The following MCM9 variants were observed in gnomAD, a reference collection of about 807,000 sequenced individuals.
MCM9 encodes the protein minichromosome maintenance 9 homologous recombination repair factor.
In MCM9, 55 loss-of-function variants were observed where a neutral mutation model predicts 72.8. The ratio of observed to expected loss-of-function variants is 0.76; its 90% CI spans 0.61 to 0.95. The LOEUF (loss-of-function observed/expected upper bound fraction) is 0.95. Ranked by LOEUF, MCM9 falls within the 40% of genes least tolerant of loss-of-function variation. The pLI is 0.00. For synonymous variants in MCM9, 480 were observed against 503.4 expected, an observed-to-expected ratio of 0.95 and a Z score of 0.62; for missense variants, 1,279 against 1,377.0, an observed-to-expected ratio of 0.93 and a Z score of 1.13.
At chr6:118,879,188 C>T (rs1778127681) in intron 8 of MCM9, among the ~76,000 whole-genome samples, 1 of 149,094 alleles carries the variant, frequency 6.7e-6, no homozygotes, top group Non-Finnish European at 1.5e-5. Flanking sequence ...TGAGTAATTA[C>T]ATTAAATGGA....
At chr6:118,883,705 A>G (rs961322734) in intron 8 of MCM9, among the ~76,000 whole-genome samples, 2 of 152,112 alleles carry the variant, frequency 1.3e-5, no homozygotes, top group African/African-American at 4.8e-5. Flanking sequence ...AAGAAAAAAA[A>G]AAATCGAACC....
intron 11 of MCM9, 44 bp downstream of exon 11, chr6:118,827,883 C>T (rs1583348216): frequency 6.5e-7 from 1 of 1,529,738 alleles, no homozygotes; most frequent in African/African-American, 1.4e-5. Flanking sequence ...GCCTTGCACA[C>T]ACGCAGCATT....
intron 8 of MCM9, among the ~76,000 whole-genome samples, chr6:118,881,093 T>C (rs1778258923): frequency 6.6e-6 from 1 of 152,208 alleles, no homozygotes; most frequent in African/African-American, 2.4e-5. Flanking sequence ...CTTACTGTAA[T>C]GAACTCATCT....
At position 118,814,961 on chromosome 6, in the gene MCM9, T is replaced by C; in HGVS notation, c.3295A>G (p.Ser1099Gly). 3 of 1,550,556 alleles carry C rather than the reference T, an allele frequency of 1.9e-6. No homozygotes were observed. The highest frequency in any genetic ancestry group is 2.6e-6 in the Non-Finnish European group (3 of 1,146,972). Reference protein sequence around the residue: ...PPTTTAPMRVSKRKSFQLRGS... With the variant: ...PPTTTAPMRVGKRKSFQLRGS... ...CGGAGCTGAAAAGATTTCCTTTTACTGACACGCATTGGAGCTGTGGTTGTA... is the reference window on the plus strand; with the variant it reads ...CGGAGCTGAAAAGATTTCCTTTTACCGACACGCATTGGAGCTGTGGTTGTA... Residue 1099 changes from serine to glycine, a missense_variant, in exon 14 of 14, where the codon AGT becomes GGT. Ser to Gly is a moderately conservative substitution (Grantham distance 56). Transcript: ENST00000619706.
At chr6:118,818,291 G>A (rs71338873) in intron 13 of MCM9, among the ~76,000 whole-genome samples, 1 of 152,176 alleles carries the variant, frequency 6.6e-6, no homozygotes, top group Non-Finnish European at 1.5e-5. Context: ...AATCCAACTT[G>A]AGTTAATTTT....
intron 8 of MCM9, among the ~76,000 whole-genome samples, chr6:118,874,911 C>T (rs1302322941): frequency 2.0e-5 from 3 of 152,096 alleles, no homozygotes; most frequent in Non-Finnish European, 2.9e-5. Flanking sequence ...GTCAGGAGTT[C>T]GAGACCAGCC....
chr6:118,893,937 G>A (rs372743698), intron 8 of MCM9: 1 of 864,724 alleles, frequency 1.2e-6, no homozygotes, highest in South Asian at 5.1e-5. Flanking sequence ...CCGCAGCCAC[G>A]CCTCCCCGCC....
rs925474916 is a variant in MCM9 at position 118,815,429 on chromosome 6, G to A, written c.2827C>T (p.Pro943Ser). The change falls in exon 14 of 14, where the codon CCT becomes TCT. Residue 943 changes from proline (P) to serine (S), a missense_variant. Pro to Ser is a moderately conservative substitution (Grantham distance 74). Transcript: ENST00000619706. ...TGAACTGCTATTTTAGTTGCACCAGGTGACACATGGCTGTGATCTTCAAAG... is the reference window on the plus strand; with the variant it reads ...TGAACTGCTATTTTAGTTGCACCAGATGACACATGGCTGTGATCTTCAAAG... ...HSFEDHSHVSPGATKIAVHSP... is the reference protein window; with the variant it reads ...HSFEDHSHVSSGATKIAVHSP... 8 of 1,550,504 alleles carry A rather than the reference G, an allele frequency of 5.2e-6. No homozygotes were observed. The highest frequency in any genetic ancestry group is 7.0e-6 in the Non-Finnish European group (8 of 1,146,944).
At chr6:118,818,073 T>C (rs750019069) in intron 13 of MCM9, among the ~76,000 whole-genome samples, 2 of 152,250 alleles carry the variant, frequency 1.3e-5, no homozygotes, top group Admixed American at 6.5e-5. Flanking sequence ...TCACATTCTA[T>C]AAGTTGCCTG....
intron 8 of MCM9, among the ~76,000 whole-genome samples, chr6:118,868,870 G>A (rs778150947): frequency 4.6e-5 from 7 of 152,152 alleles, no homozygotes; most frequent in Non-Finnish European, 1.0e-4. Context: ...ATTCCTCAAG[G>A]ATCTAGAACT....
intron 8 of MCM9, among the ~76,000 whole-genome samples, chr6:118,892,267 T>C (rs1213599433): frequency 2.0e-5 from 3 of 152,232 alleles, no homozygotes; most frequent in Non-Finnish European, 4.4e-5. Flanking sequence ...TGGGGAGTTT[T>C]TTCTTCTTAA....
intron 9 of MCM9, among the ~76,000 whole-genome samples, chr6:118,835,477 C>A (rs1301430341): frequency 6.6e-6 from 1 of 152,126 alleles, no homozygotes; most frequent in East Asian, 1.9e-4. Context: ...TCTTCCTATC[C>A]ATGAACATGG....
chr6:118,867,021 T>C (rs1453382208), intron 8 of MCM9, among the ~76,000 whole-genome samples: 1 of 151,394 alleles, frequency 6.6e-6, no homozygotes, highest in Non-Finnish European at 1.5e-5. Context: ...AGTGAGATGA[T>C]ACATTCAACA....
At chr6:118,905,671 G>C in intron 8 of MCM9, 1 of 1,612,102 alleles carries the variant, frequency 6.2e-7, no homozygotes, top group Non-Finnish European at 8.5e-7. Flanking sequence ...CCTAATCCAG[G>C]ACTCATTCCA....
intron 8 of MCM9, among the ~76,000 whole-genome samples, chr6:118,905,413 C>T (rs1180729880): frequency 6.6e-6 from 1 of 152,170 alleles, no homozygotes; most frequent in Non-Finnish European, 1.5e-5. Flanking sequence ...CTTCCTTTTA[C>T]AAGTGTAGTC....
intron 13 of MCM9, among the ~76,000 whole-genome samples, chr6:118,821,432 A>G (rs1773800342): frequency 6.6e-6 from 1 of 152,144 alleles, no homozygotes; most frequent in South Asian, 2.1e-4. Flanking sequence ...TCTTTTTAAG[A>G]ATTTTGAATA....
chr6:118,915,524 T>TA (rs746850607), intron 6 of MCM9, among the ~76,000 whole-genome samples: 1 of 152,186 alleles, frequency 6.6e-6, no homozygotes, highest in African/African-American at 2.4e-5. Context: ...CAGATCAGAA[T>TA]AAGGCCCCTA....
intron 9 of MCM9, among the ~76,000 whole-genome samples, chr6:118,843,674 G>A (rs367736203): frequency 0.055 from 708 of 12,814 alleles, 43 homozygotes; most frequent in African/African-American, 0.13. Flanking sequence ...ATATATGTAT[G>A]TATATATATA....
At chr6:118,877,172 T>C (rs1777986184) in intron 8 of MCM9, among the ~76,000 whole-genome samples, 1 of 152,208 alleles carries the variant, frequency 6.6e-6, no homozygotes, top group African/African-American at 2.4e-5. Flanking sequence ...TCAGCACCAA[T>C]GTGCCAAGCA....
Sources: gnomAD v4.1 joint callset for allele counts (sites outside exome capture counted in the v4.1 genomes callset) on GRCh38, gnomAD v4.1.1 for gene constraint, MANE v1.5 for transcripts, NCBI Gene and HGNC (gene_info 2026-07-23, HGNC 2026-07-21) for gene names.